Variants in IMMP2L observed in about 807,000 individuals in gnomAD.
IMMP2L encodes inner mitochondrial membrane peptidase subunit 2, also known as mitochondrial inner membrane protease subunit 2.
In IMMP2L, 18 loss-of-function variants were observed where a neutral mutation model predicts 19.3. That is an observed-to-expected ratio of 0.93 (90% CI 0.64 to 1.38). The LOEUF (loss-of-function observed/expected upper bound fraction) is 1.38, where lower values mean the gene tolerates loss of function less well. Ranked by LOEUF, IMMP2L falls within the 40% of genes most tolerant of loss-of-function variation. The pLI, the probability that IMMP2L is intolerant of heterozygous loss-of-function variation, is 0.00. For synonymous variants in IMMP2L, 76 were observed against 73.0 expected (o/e 1.04, Z -0.21); for missense variants, 233 against 218.2 (o/e 1.07, Z -0.43).
chr7:111,375,283 T>C (rs1468279562), intron 3 of IMMP2L, among the ~76,000 whole-genome samples: 4 of 151,920 alleles, frequency 2.6e-5, no homozygotes, highest in Non-Finnish European at 4.4e-5. Context: ...ATAATAATAG[T>C]AGTCTTATGA....
chr7:110,928,729 C>T (rs1289956474), intron 4 of IMMP2L, among the ~76,000 whole-genome samples: 1 of 152,104 alleles, frequency 6.6e-6, no homozygotes, highest in African/African-American at 2.4e-5. Flanking sequence ...TCTAAACACA[C>T]TAATAGGAAT....
intron 3 of IMMP2L, among the ~76,000 whole-genome samples, chr7:111,161,281 A>G (rs967189102): frequency 5.3e-5 from 8 of 151,930 alleles, no homozygotes; most frequent in Admixed American, 2.6e-4. Flanking sequence ...GAAAATGACA[A>G]TAGAACAAAA....
At chr7:111,044,429 T>C (rs1464415245) in intron 3 of IMMP2L, among the ~76,000 whole-genome samples, 1 of 152,056 alleles carries the variant, frequency 6.6e-6, no homozygotes, top group Non-Finnish European at 1.5e-5. Context: ...GGCATGGTGA[T>C]GAGCACCTGT....
At position 111,354,108 on chromosome 7, in the gene IMMP2L, CA is replaced by C. The variant is rs1356715384; in HGVS notation, c.239+133129del. Among the ~76,000 whole-genome samples, 3 of 151,094 alleles carry C rather than the reference CA, an allele frequency of 2.0e-5. No individual in the cohort carries two copies. The South Asian group carries it at 6.3e-4, about 32-fold the overall frequency. ...AATGGGGACAGAATAACTCTGATAC[CA>C]AAAAATGAAAAAAGACATCAGGAAA... On this transcript the variant is annotated intron_variant, in intron 3 of 5. Coordinates refer to ENST00000405709, the MANE Select transcript of IMMP2L (RefSeq NM_032549.4).
intron 3 of IMMP2L, among the ~76,000 whole-genome samples, chr7:111,052,979 T>C (rs919150761): frequency 2.0e-5 from 3 of 152,224 alleles, no homozygotes; most frequent in Non-Finnish European, 4.4e-5. Context: ...GCTATATCTG[T>C]ATCAGAGTGT....
chr7:111,226,952 A>G (rs566449252), intron 3 of IMMP2L, among the ~76,000 whole-genome samples: 1 of 152,278 alleles, frequency 6.6e-6, no homozygotes, highest in East Asian at 1.9e-4. Flanking sequence ...GGAGAAGACA[A>G]GACTGGAAAT....
At chr7:111,173,459 G>A (rs1216216829) in intron 3 of IMMP2L, among the ~76,000 whole-genome samples, 2 of 151,614 alleles carry the variant, frequency 1.3e-5, no homozygotes, top group Non-Finnish European at 3.0e-5. Context: ...TAAAGATGCT[G>A]AGAACGTTAA....
chr7:111,204,464 A>T (rs1007945809), intron 3 of IMMP2L, among the ~76,000 whole-genome samples: 2 of 152,194 alleles, frequency 1.3e-5, no homozygotes, highest in Non-Finnish European at 2.9e-5. Context: ...AAGCATACTA[A>T]GTATTAAATA....
intron 3 of IMMP2L, among the ~76,000 whole-genome samples, chr7:111,030,938 C>A (rs1790746298): frequency 7.3e-6 from 1 of 137,464 alleles, no homozygotes; most frequent in Admixed American, 7.6e-5. Flanking sequence ...AATATATATA[C>A]ACGAGAATTA....
chr7:111,287,052 T>C (rs1054126607), intron 3 of IMMP2L, among the ~76,000 whole-genome samples: 1 of 152,172 alleles, frequency 6.6e-6, no homozygotes, highest in African/African-American at 2.4e-5. Context: ...CTATGAACCA[T>C]AAAATATCAG....
At position 111,440,046 on chromosome 7, in the gene IMMP2L, T is replaced by C. The variant is rs959312368; in HGVS notation, c.239+47192A>G. On this transcript the variant is annotated intron_variant, in intron 3 of 5. Coordinates refer to ENST00000405709, the MANE Select transcript of IMMP2L (RefSeq NM_032549.4). The stretch of plus-strand genomic sequence containing the variant: ...AAGATTGTAGCAATTCAATCAAATC[T>C]TCTGACTCCACTTCTAATTCAAACT... Among the ~76,000 whole-genome samples the C allele has an allele frequency of 6.6e-5, 10 of 151,934 alleles. No homozygotes were observed. The South Asian group carries it at 8.3e-4, about 13-fold the overall frequency.
chr7:111,070,955 T>G (rs1251114608), intron 3 of IMMP2L, among the ~76,000 whole-genome samples: 1 of 152,166 alleles, frequency 6.6e-6, no homozygotes, highest in Non-Finnish European at 1.5e-5. Flanking sequence ...TTTGTACTTT[T>G]TAAATAACAT....
intron 3 of IMMP2L, among the ~76,000 whole-genome samples, chr7:111,236,889 G>A (rs968806794): frequency 2.0e-5 from 3 of 152,104 alleles, no homozygotes; most frequent in African/African-American, 7.2e-5. Context: ...AATGTCTGAA[G>A]ACTCCCTTTC....
At chr7:111,303,199 C>T (rs1822455794) in intron 3 of IMMP2L, among the ~76,000 whole-genome samples, 1 of 151,862 alleles carries the variant, frequency 6.6e-6, no homozygotes, top group Non-Finnish European at 1.5e-5. Context: ...GATTTTTTTT[C>T]TCTAAGTGAG....
chr7:110,670,487 C>G (rs1403556169), intron 5 of IMMP2L, among the ~76,000 whole-genome samples: 1 of 151,984 alleles, frequency 6.6e-6, no homozygotes, highest in Non-Finnish European at 1.5e-5. Context: ...GTCAGGAGTT[C>G]GAGACCAGCC....
At position 111,521,401 on chromosome 7, in the gene IMMP2L, C is replaced by T; in HGVS notation, c.47G>A (p.Cys16Tyr). 6.2e-7 allele frequency: 1 copy of T among 1,613,112 alleles called. No individual in the cohort carries two copies. The highest frequency in any genetic ancestry group is 8.5e-7 in the Non-Finnish European group (1 of 1,179,340). ...GWVKRYIKAF[C>Y]KGFFVAVPVA... Reference sequence around the variant, plus strand: ...AGGCACCGCCACAAAGAAGCCTTTACAAAAGGCCTTGATGTATCTTTTCAC... The same window carrying T: ...AGGCACCGCCACAAAGAAGCCTTTATAAAAGGCCTTGATGTATCTTTTCAC... The change falls in exon 2 of 6, where the codon TGT becomes TAT. Residue 16 changes from cysteine to tyrosine, a missense_variant. Transcript: ENST00000405709.
intron 3 of IMMP2L, among the ~76,000 whole-genome samples, chr7:111,052,437 T>C (rs186250906): frequency 8.3e-4 from 127 of 152,352 alleles, no homozygotes; most frequent in Non-Finnish European, 1.4e-3. Context: ...ACTTCAACTC[T>C]TTAGGCAAAG....
chr7:110,861,102 A>T (rs2190526), intron 5 of IMMP2L, among the ~76,000 whole-genome samples: 67,626 of 124,938 alleles, frequency 0.54, 16,968 homozygotes, highest in East Asian at 0.82. Context: ...TGTGTGTGAG[A>T]GAGAGAGAGA....
chr7:111,375,597 C>T (rs963041339), intron 3 of IMMP2L, among the ~76,000 whole-genome samples: 1 of 151,988 alleles, frequency 6.6e-6, no homozygotes, highest in Non-Finnish European at 1.5e-5. Context: ...GCCAACTCAG[C>T]TCACTGCAAC....
Sources: allele counts gnomAD v4.1 joint callset (sites outside exome capture counted in the v4.1 genomes callset), GRCh38; gene constraint gnomAD v4.1.1; transcripts MANE v1.5; gene names NCBI Gene and HGNC (gene_info 2026-07-23, HGNC 2026-07-21).